WWP2: variants seen among roughly 807,000 people sequenced by gnomAD.
WWP2 encodes the protein WW domain containing E3 ubiquitin protein ligase 2.
WWP2 carries 57 observed loss-of-function variants against 121.0 expected under a neutral mutation model. The observed-to-expected ratio is 0.47, with a 90% CI of 0.38 to 0.59. The LOEUF (loss-of-function observed/expected upper bound fraction) is 0.59, where lower values mean the gene tolerates loss of function less well. Ranked by LOEUF, WWP2 falls within the 20% of genes least tolerant of loss-of-function variation. WWP2 has a pLI of 0.00. For synonymous variants in WWP2, 449 were observed against 441.3 expected, an observed-to-expected ratio of 1.02 and a Z score of -0.22; for missense variants, 962 against 1,158.9, an observed-to-expected ratio of 0.83 and a Z score of 2.47.
chr16:69,850,125 G>A lies in WWP2; in HGVS notation c.575+8005G>A, dbSNP rs1342444134. 3.3e-5 allele frequency among the ~76,000 whole-genome samples: 5 copies of A among 152,172 alleles called. No individual in the cohort carries two copies. The East Asian group carries it at 7.8e-4, about 24-fold the overall frequency. Reference sequence around the variant, plus strand: ...AAGTCGGCCGGGCGCAGTGGCTCACGCCTGTAATCCCAGCACTTTGGGAGG... The same window carrying A: ...AAGTCGGCCGGGCGCAGTGGCTCACACCTGTAATCCCAGCACTTTGGGAGG... On this transcript the variant is annotated intron_variant, in intron 6 of 23. Coordinates refer to ENST00000359154, the MANE Select transcript of WWP2 (RefSeq NM_001270454.2).
intron 6 of WWP2, among the ~76,000 whole-genome samples, chr16:69,860,033 G>A (rs2151901268): frequency 6.6e-6 from 1 of 152,046 alleles, no homozygotes; most frequent in East Asian, 1.9e-4. Flanking sequence ...TCTCCCCACA[G>A]TAGAAAGACT....
intron 8 of WWP2, among the ~76,000 whole-genome samples, chr16:69,899,105 A>T (rs1207594458): frequency 6.6e-6 from 1 of 152,232 alleles, no homozygotes; most frequent in African/African-American, 2.4e-5. Context: ...CAATTTGCTT[A>T]TGGTGCCTTT....
intron 7 of WWP2, among the ~76,000 whole-genome samples, chr16:69,874,867 A>T (rs1171498051): frequency 6.6e-6 from 1 of 152,126 alleles, no homozygotes; most frequent in African/African-American, 2.4e-5. Context: ...TTATAAAATT[A>T]GGGCAAAAGT....
intron 8 of WWP2, among the ~76,000 whole-genome samples, chr16:69,896,328 A>C (rs1309841661): frequency 6.6e-6 from 1 of 152,124 alleles, no homozygotes; most frequent in Non-Finnish European, 1.5e-5. Flanking sequence ...TATGTTACCC[A>C]GGCTGGTCTT....
rs150034486 is a variant in WWP2 at position 69,843,253 on chromosome 16, C to T, written c.575+1133C>T. ...TTGTAATGTTGGTTAAGACCTCCTA[C>T]GCTTAGAGTCCAAATATTATACTTG... On this transcript the variant is annotated intron_variant, in intron 6 of 23. Transcript: ENST00000359154. Among the ~76,000 whole-genome samples, 792 of 152,084 alleles carry T rather than the reference C, an allele frequency of 5.2e-3. 4 individuals are homozygous for T. The highest frequency in any genetic ancestry group is 0.018 in the African/African-American group (729 of 41,510).
chr16:69,812,463 C>T (rs927056890), intron 4 of WWP2, among the ~76,000 whole-genome samples: 3 of 145,860 alleles, frequency 2.1e-5, no homozygotes, highest in Non-Finnish European at 3.0e-5. Context: ...CCGCGCCTGC[C>T]CCCAACCCCC....
At position 69,778,645 on chromosome 16, in the gene WWP2, AC is replaced by A. The variant is rs1460860603; in HGVS notation, c.-15-8350del. On this transcript the variant is annotated intron_variant, in intron 1 of 23. Transcript: ENST00000359154. ...ATGGGATCTGTTCCTTTCTATAGTT[AC>A]GGTTATTTCTCTTGAGACAGAGTCT... 2.0e-4 allele frequency among the ~76,000 whole-genome samples: 30 copies of A among 151,970 alleles called. 1 individual carries two copies. The East Asian group carries it at 2.9e-3, about 15-fold the overall frequency.
Position 69,939,950 on chromosome 16 carries a change from C to T in WWP2, c.*10C>T, listed in dbSNP as rs750351965. 2 of 1,608,894 alleles carry T rather than the reference C, an allele frequency of 1.2e-6. No individual in the cohort carries two copies. Among genetic ancestry groups the T allele is most frequent in the African/African-American group, 1.3e-5 (1 of 74,846 alleles). On this transcript the variant is annotated 3_prime_UTR_variant, in exon 24 of 24. Coordinates refer to ENST00000359154, the MANE Select transcript of WWP2 (RefSeq NM_001270454.2). ...CTTTGGACAGGAGTAACCGAGGCCG[C>T]CCCTCCCACGCCCCCCAGCGCACAT...
intron 7 of WWP2, among the ~76,000 whole-genome samples, chr16:69,874,725 A>G (rs1450118840): frequency 6.6e-6 from 1 of 152,198 alleles, no homozygotes; most frequent in Non-Finnish European, 1.5e-5. Flanking sequence ...CAAATTTTAC[A>G]TATTTTACTT....
chr16:69,862,382 A>G (rs2057437960), intron 6 of WWP2, among the ~76,000 whole-genome samples: 1 of 148,422 alleles, frequency 6.7e-6, no homozygotes, highest in African/African-American at 2.5e-5. Context: ...TGTTTTTTTG[A>G]GATGGAGTCT....
In WWP2 at chr16:69,820,482, G is replaced by T. The variant is rs1421536010; in HGVS notation, c.341-19644G>T. Among the ~76,000 whole-genome samples the T allele has an allele frequency of 1.5e-5, 2 of 133,974 alleles. 1 individual carries two copies. The highest frequency in any genetic ancestry group is 3.5e-5 in the Non-Finnish European group (2 of 57,916). 87.9% of individuals were successfully genotyped at this position (133,974 alleles called of 152,430 possible). ...TGGTCTTGAAATCCTGATCTTAAGT[G>T]ATCCACCCACCTCAGCCTCCCAAAG... On this transcript the variant is annotated intron_variant, in intron 4 of 23. Coordinates refer to ENST00000359154, the MANE Select transcript of WWP2 (RefSeq NM_001270454.2).
In WWP2 at chr16:69,940,231, C is replaced by A; in HGVS notation, c.*291C>A. The A allele has an allele frequency of 2.3e-6, 1 of 434,892 alleles. No homozygotes were observed. The highest frequency in any genetic ancestry group is 4.1e-5 in the East Asian group (1 of 24,168). The allele number at this position is 434,892 out of a possible 1,614,324, so 26.9% of individuals were successfully genotyped here. On this transcript the variant is annotated 3_prime_UTR_variant, in exon 24 of 24. Coordinates refer to ENST00000359154, the MANE Select transcript of WWP2 (RefSeq NM_001270454.2). ...AAACTCTCCCCTGTCCTCTAGACCC[C>A]ACCCTGGGTGTATGTGAGTGTGCAA...
At chr16:69,782,053 C>T (rs933766496) in intron 1 of WWP2, among the ~76,000 whole-genome samples, 1 of 152,148 alleles carries the variant, frequency 6.6e-6, no homozygotes, top group African/African-American at 2.4e-5. Flanking sequence ...GAGGCTGAGA[C>T]GGGCGGATCA....
intron 2 of WWP2, among the ~76,000 whole-genome samples, chr16:69,793,914 T>A (rs1329337191): frequency 7.2e-6 from 1 of 139,334 alleles, no homozygotes; most frequent in Non-Finnish European, 1.6e-5. Context: ...ATCCTTGCTT[T>A]TTTTTTTTTT....
Position 69,863,567 on chromosome 16 carries a change from G to T in WWP2, c.576-8237G>T, listed in dbSNP as rs988659555. Among the ~76,000 whole-genome samples the T allele has an allele frequency of 9.2e-5, 14 of 152,202 alleles. No individual in the cohort carries two copies. The East Asian group carries it at 1.7e-3, about 19-fold the overall frequency. On this transcript the variant is annotated intron_variant, in intron 6 of 23. Coordinates refer to ENST00000359154, the MANE Select transcript of WWP2 (RefSeq NM_001270454.2). ...GGCAGGAGAATTGCTTGAACCTGGT[G>T]GGGGCAGAGGTTGTAGTGAGCCGAG...
rs770286512 is a variant in WWP2 at position 69,930,210 on chromosome 16, A to G, written c.1397A>G (p.Asn466Ser). 6 of 1,613,910 alleles carry G rather than the reference A, an allele frequency of 3.7e-6. No homozygotes were observed. The highest frequency in any genetic ancestry group is 2.2e-5 in the East Asian group (1 of 44,866). ...GGGGTGCGATACTTTGTGGACCACAATACCCGCACCACCACCTTTAAGGAT... is the reference window on the plus strand; with the variant it reads ...GGGGTGCGATACTTTGTGGACCACAGTACCCGCACCACCACCTTTAAGGAT... Reference protein sequence around the residue: ...SEGVRYFVDHNTRTTTFKDPR... With the variant: ...SEGVRYFVDHSTRTTTFKDPR... The change falls in exon 13 of 24, where the codon AAT becomes AGT. Residue 466 changes from asparagine to serine, a missense_variant. By Grantham distance (46) the Asn-to-Ser change is conservative. Transcript: ENST00000359154.
At chr16:69,850,537 C>T (rs1004811715) in intron 6 of WWP2, among the ~76,000 whole-genome samples, 5 of 152,118 alleles carry the variant, frequency 3.3e-5, no homozygotes, top group African/African-American at 7.2e-5. Flanking sequence ...TGGGACATTA[C>T]CTAGATATGC....
Position 69,935,525 on chromosome 16 carries a change from C to A in WWP2, c.1843-328C>A, listed in dbSNP as rs1487468491. On this transcript the variant is annotated intron_variant, in intron 17 of 23. Coordinates refer to ENST00000359154, the MANE Select transcript of WWP2 (RefSeq NM_001270454.2). The surrounding 1 kb of genome is among the most constrained non-coding windows in gnomAD (Gnocchi z 5.2). ...GTTCAGAGCAAGCCTTTTCTGTGAG[C>A]GTGGGGCAGACCTTTGCTAGGCCAG... 6.6e-6 allele frequency among the ~76,000 whole-genome samples: 1 copy of A among 152,212 alleles called. No homozygotes were observed. Among genetic ancestry groups the A allele is most frequent in the Non-Finnish European group, 1.5e-5 (1 of 68,030 alleles).
At chr16:69,923,928 GC>G (rs1301642358) in intron 10 of WWP2, among the ~76,000 whole-genome samples, 1 of 150,540 alleles carries the variant, frequency 6.6e-6, no homozygotes, top group Admixed American at 6.6e-5. Flanking sequence ...ACAGACACAC[GC>G]CCCCATGACT....
Sources: gnomAD v4.1 joint callset for allele counts (sites outside exome capture counted in the v4.1 genomes callset) on GRCh38, gnomAD v4.1.1 for gene constraint, Gnocchi (gnomAD v3.1) non-coding constraint, MANE v1.5 for transcripts, NCBI Gene and HGNC (gene_info 2026-07-23, HGNC 2026-07-21) for gene names.